ADIRF: variants seen among roughly 807,000 people sequenced by gnomAD.
ADIRF encodes the protein adipogenesis regulatory factor, also known as adipogenesis factor rich in obesity.
ADIRF carries 9 observed loss-of-function variants against 7.8 expected under a neutral mutation model. That is an observed-to-expected ratio of 1.15 (90% CI 0.70 to 2.01). The LOEUF is 2.01. Among genes scored for constraint, ADIRF ranks in the 30% most tolerant of loss-of-function variants. The pLI is 0.00. For missense variants in ADIRF, 106 were observed against 98.1 expected, an observed-to-expected ratio of 1.08 and a Z score of -0.34; for synonymous variants, 48 against 39.9, an observed-to-expected ratio of 1.20 and a Z score of -0.77.
chr10:86,970,407 A>G, intron 2 of ADIRF, 69 bp from the exon 3 acceptor site: 1 of 1,526,536 alleles, frequency 6.6e-7, no homozygotes, highest in Non-Finnish European at 8.9e-7. Context: ...GACCCAGGCC[A>G]GGCTAAGCCT....
chr10:86,970,779 A>G lies in ADIRF; in HGVS notation c.*197A>G, dbSNP rs1277046608. 1.5e-6 allele frequency: 1 copy of G among 652,332 alleles called. No individual in the cohort carries two copies. The allele number at this position is 652,332 out of a possible 1,614,324, so 40.4% of individuals were successfully genotyped here. A position where few individuals can be genotyped will look rare whatever the true frequency, so the allele number is the denominator to read the frequency against. On this transcript the variant is annotated 3_prime_UTR_variant, in exon 3 of 3. Transcript: ENST00000372013. ...CTCGCAAGCTGGGCCCAGTCCTCTC[A>G]TCCCAAGAGCAGAGCCACCGTAGCC...
At chr10:86,968,751 G>A (rs1844518605) in intron 1 of ADIRF, 146 bp downstream of exon 1, 5 of 854,142 alleles carry the variant, frequency 5.9e-6, no homozygotes, top group Non-Finnish European at 8.7e-6. Context: ...CAGGGGGCAG[G>A]CAGAACGCCC....
Position 86,970,556 on chromosome 10 carries a change from G to C in ADIRF, c.205G>C (p.Gly69Arg). The part of the protein sequence containing the change: ...NQASDTFSGI[G>R]KKFGLLK The stretch of plus-strand genomic sequence containing the variant: ...GGCCTCTGACACCTTCTCTGGGATT[G>C]GGAAAAAATTCGGCCTCCTGAAATG... Residue 69 changes from glycine (G) to arginine (R), a missense_variant, in exon 3 of 3, where the codon GGG (glycine) becomes CGG (arginine). Physicochemically the swap from Gly to Arg is moderately radical, Grantham distance 125. Transcript: ENST00000372013. The C allele has an allele frequency of 6.2e-7, 1 of 1,612,950 alleles. No individual in the cohort carries two copies. Among genetic ancestry groups the C allele is most frequent in the Non-Finnish European group, 8.5e-7 (1 of 1,179,544 alleles).
chr10:86,970,534 C>G lies in ADIRF; in HGVS notation c.183C>G (p.Ala61=), dbSNP rs1377607231. The change falls in exon 3 of 3, where the codon GCC becomes GCG. Residue 61 remains alanine (A), a synonymous_variant. Transcript: ENST00000372013. The part of the protein sequence containing the change: ...QETIDKTANQ[A]SDTFSGIGKK... ...CCATCGACAAGACTGCTAACCAGGC[C>G]TCTGACACCTTCTCTGGGATTGGGA... 6.2e-7 allele frequency: 1 copy of G among 1,613,684 alleles called. No homozygotes were observed. Among genetic ancestry groups the G allele is most frequent in the Admixed American group, 1.7e-5 (1 of 59,972 alleles).
At chr10:86,968,960 C>A in intron 1 of ADIRF, 1 of 260,060 alleles carries the variant, frequency 3.8e-6, no homozygotes, top group Non-Finnish European at 7.2e-6. Flanking sequence ...TAAACCCGCG[C>A]GCGCCACCAG....
rs748361520 is a variant in ADIRF, at chr10:86,968,626, A to G, written c.61+21A>G. Reference sequence around the variant, plus strand: ...AGCCGGTGAGGATAGCGCGCGACCTAGGGCTCAGGCAGGGGCACCTGCGTG... The same window carrying G: ...AGCCGGTGAGGATAGCGCGCGACCTGGGGCTCAGGCAGGGGCACCTGCGTG... On this transcript the variant is annotated intron_variant, in intron 1 of 2. Coordinates refer to ENST00000372013, the MANE Select transcript of ADIRF (RefSeq NM_006829.3). The G allele has an allele frequency of 4.3e-6, 7 of 1,610,210 alleles. No homozygotes were observed. In the South Asian group the frequency reaches 7.7e-5, roughly 18 times the overall value.
chr10:86,968,642 C>A, intron 1 of ADIRF, 37 bp downstream of exon 1: 6 of 1,598,014 alleles, frequency 3.8e-6, no homozygotes, highest in Non-Finnish European at 5.1e-6. Flanking sequence ...CAGGCAGGGG[C>A]ACCTGCGTGG....
chr10:86,968,591 C>A lies in ADIRF; in HGVS notation c.47C>A (p.Thr16Asn). The change falls in exon 1 of 3, where the codon ACC becomes AAC. Residue 16 changes from threonine (T) to asparagine (N), a missense_variant. By Grantham distance (65) the Thr-to-Asn change is moderately conservative. Transcript: ENST00000372013. ...LQDLKQQVEG[T>N]AQEAVSAAGA... is the part of the protein sequence containing the mutation. Reference sequence around the variant, plus strand: ...GACCTGAAGCAACAGGTGGAGGGGACCGCCCAGGAAGCCGGTGAGGATAGC... The same window carrying A: ...GACCTGAAGCAACAGGTGGAGGGGAACGCCCAGGAAGCCGGTGAGGATAGC... 1.9e-6 allele frequency: 3 copies of A among 1,613,242 alleles called. No individual in the cohort carries two copies. The highest frequency in any genetic ancestry group is 2.5e-6 in the Non-Finnish European group (3 of 1,179,734).
At chr10:86,968,657 G>A (rs1420062951) in intron 1 of ADIRF, 52 bp downstream of exon 1, 3 of 1,578,278 alleles carry the variant, frequency 1.9e-6, no homozygotes, top group African/African-American at 2.7e-5. Context: ...GCGTGGATGC[G>A]CAGGCAGAAG....
In ADIRF at chr10:86,970,798, C is replaced by T. The variant is rs774516620; in HGVS notation, c.*216C>T. ...CCTCTCATCCCAAGAGCAGAGCCAC[C>T]GTAGCCGGAGTCCTAGCCTCCCAAA... On this transcript the variant is annotated 3_prime_UTR_variant, in exon 3 of 3. Transcript: ENST00000372013. 1.9e-5 allele frequency: 12 copies of T among 633,044 alleles called. No homozygotes were observed. The highest frequency in any genetic ancestry group is 2.5e-4 in the Middle Eastern group (1 of 4,064). 39.2% of individuals were successfully genotyped at this position (633,044 alleles called of 1,614,324 possible). A position where few individuals can be genotyped will look rare whatever the true frequency, so the allele number is the denominator to read the frequency against.
chr10:86,968,500 C>T lies in ADIRF; in HGVS notation c.-45C>T, dbSNP rs757056024. ...CATCGCCACTCTGGGCAGGATCCAA[C>T]GTCGCTCCAGCTGCTCTTGACGACT... On this transcript the variant is annotated 5_prime_UTR_variant, in exon 1 of 3. The change creates a new upstream start codon in the 5' untranslated region. Coordinates refer to ENST00000372013, the MANE Select transcript of ADIRF (RefSeq NM_006829.3). 1.2e-5 allele frequency: 20 copies of T among 1,609,666 alleles called. No homozygotes were observed. The Admixed American group carries it at 1.5e-4, about 12-fold the overall frequency.
chr10:86,970,218 C>G lies in ADIRF; in HGVS notation c.80C>G (p.Ala27Gly). ...AQEAVSAAGA[A>G]AQQVVDQATE... ...GTTCCAGTGTCAGCGGCCGGAGCGG[C>G]AGCTCAGCAAGTGGTGGACCAGGCC... The change falls in exon 2 of 3, where the codon GCA becomes GGA. Residue 27 changes from alanine to glycine, a missense_variant. Ala to Gly is a moderately conservative substitution (Grantham distance 60). Coordinates refer to ENST00000372013, the MANE Select transcript of ADIRF (RefSeq NM_006829.3). 1 of 1,456,264 alleles carries G rather than the reference C, an allele frequency of 6.9e-7. No individual in the cohort carries two copies. Among genetic ancestry groups the G allele is most frequent in the Non-Finnish European group, 9.1e-7 (1 of 1,101,298 alleles). The allele number at this position is 1,456,264 out of a possible 1,614,324, so 90.2% of individuals were successfully genotyped here. A position where few individuals can be genotyped will look rare whatever the true frequency, so the allele number is the denominator to read the frequency against.
At position 86,968,590 on chromosome 10, in the gene ADIRF, A is replaced by C; in HGVS notation, c.46A>C (p.Thr16Pro). 1.2e-6 allele frequency: 2 copies of C among 1,613,092 alleles called. No homozygotes were observed. The highest frequency in any genetic ancestry group is 1.7e-6 in the Non-Finnish European group (2 of 1,179,700). ...GGACCTGAAGCAACAGGTGGAGGGG[A>C]CCGCCCAGGAAGCCGGTGAGGATAG... ...LQDLKQQVEG[T>P]AQEAVSAAGA... The change falls in exon 1 of 3, where the codon ACC (threonine) becomes CCC (proline). Residue 16 changes from threonine (T) to proline (P), a missense_variant. Thr to Pro is a conservative substitution (Grantham distance 38, BLOSUM62 -1). Transcript: ENST00000372013.
chr10:86,968,701 C>T (rs887287173), intron 1 of ADIRF, 96 bp downstream of exon 1: 1 of 1,429,984 alleles, frequency 7.0e-7, no homozygotes, highest in Non-Finnish European at 9.5e-7. Context: ...GTTCCTGGAC[C>T]GGCAGCTTGG....
At chr10:86,970,044 T>TGGG in intron 1 of ADIRF, 156 bp from the exon 2 acceptor site, 1 of 593,764 alleles carries the variant, frequency 1.7e-6, no homozygotes, top group East Asian at 3.4e-5. Flanking sequence ...CCCCTCGGGC[T>TGGG]GGGGGGCCCT....
At position 86,968,610 on chromosome 10, in the gene ADIRF, G is replaced by C. The variant is rs1174237710; in HGVS notation, c.61+5G>C. On this transcript the variant is annotated splice_donor_5th_base_variant and intron_variant, in intron 1 of 2. Transcript: ENST00000372013. ...AGGGGACCGCCCAGGAAGCCGGTGA[G>C]GATAGCGCGCGACCTAGGGCTCAGG... 1 of 1,612,812 alleles carries C rather than the reference G, an allele frequency of 6.2e-7. No homozygotes were observed. Among genetic ancestry groups the C allele is most frequent in the Admixed American group, 1.7e-5 (1 of 59,920 alleles).
In ADIRF at chr10:86,970,878, CCCG is replaced by C. The variant is rs947350100; in HGVS notation, c.*297_*299del. Reference sequence around the variant, plus strand: ...ATGTTTTCCATCCCGCCACGCGCCTCCCGAAGCTCCCAGACCGGAGGCTCAGCC... The same window carrying C: ...ATGTTTTCCATCCCGCCACGCGCCTCAAGCTCCCAGACCGGAGGCTCAGCC... On this transcript the variant is annotated 3_prime_UTR_variant, in exon 3 of 3. Coordinates refer to ENST00000372013, the MANE Select transcript of ADIRF (RefSeq NM_006829.3). The C allele has an allele frequency of 4.2e-6, 2 of 477,600 alleles. No homozygotes were observed. Among genetic ancestry groups the C allele is most frequent in the Non-Finnish European group, 8.3e-6 (2 of 242,220 alleles). The allele number at this position is 477,600 out of a possible 1,614,324, so 29.6% of individuals were successfully genotyped here.
chr10:86,970,128 C>A, intron 1 of ADIRF, 72 bp from the exon 2 acceptor site: 1 of 1,350,074 alleles, frequency 7.4e-7, no homozygotes, highest in Non-Finnish European at 9.8e-7. Flanking sequence ...GACACAGAGG[C>A]ATGGCAATGG....
Position 86,970,435 on chromosome 10 carries a change from C to T in ADIRF, c.125-41C>T, listed in dbSNP as rs190613644. On this transcript the variant is annotated intron_variant, in intron 2 of 2. Coordinates refer to ENST00000372013, the MANE Select transcript of ADIRF (RefSeq NM_006829.3). ...CTAAGCCTACAGGCACTGTGGTTCC[C>T]GGGCCCTGCCTGACCTGCCCTCTCT... is the stretch of plus-strand genomic sequence containing the variant. 4.1e-5 allele frequency: 64 copies of T among 1,573,336 alleles called. No individual in the cohort carries two copies. In the Middle Eastern group the frequency reaches 6.7e-4, roughly 16 times the overall value.
Sources: allele counts gnomAD v4.1 joint callset, GRCh38; gene constraint gnomAD v4.1.1; transcripts MANE v1.5; gene names NCBI Gene and HGNC (gene_info 2026-07-23, HGNC 2026-07-21).